The following SGCZ variants were observed in gnomAD, a reference collection of about 807,000 sequenced individuals.
SGCZ encodes the protein sarcoglycan zeta.
SGCZ carries 40 observed loss-of-function variants against 41.3 expected under a neutral mutation model. That is an observed-to-expected ratio of 0.97 (90% CI 0.75 to 1.26). The LOEUF (loss-of-function observed/expected upper bound fraction) is 1.26, where lower values mean the gene tolerates loss of function less well. Ranked by LOEUF, SGCZ falls within the 50% of genes most tolerant of loss-of-function variation. The pLI, the probability that SGCZ is intolerant of heterozygous loss-of-function variation, is 0.00. For missense variants in SGCZ, 552 were observed against 369.8 expected (o/e 1.49, Z -4.04); for synonymous variants, 206 against 137.5 (o/e 1.50, Z -3.49).
intron 1 of SGCZ, among the ~76,000 whole-genome samples, chr8:14,625,783 A>G (rs1806435217): frequency 6.6e-6 from 1 of 152,150 alleles, no homozygotes; most frequent in East Asian, 1.9e-4. Flanking sequence ...GGAGTTTACT[A>G]TATATTCCGA....
intron 3 of SGCZ, among the ~76,000 whole-genome samples, chr8:14,244,028 T>G (rs1286647879): frequency 6.6e-6 from 1 of 152,210 alleles, no homozygotes; most frequent in Non-Finnish European, 1.5e-5. Context: ...TAAATGCATG[T>G]TGAATGAATG....
intron 3 of SGCZ, among the ~76,000 whole-genome samples, chr8:14,251,486 G>T (rs1374947395): frequency 1.3e-5 from 2 of 152,078 alleles, no homozygotes; most frequent in Non-Finnish European, 2.9e-5. Flanking sequence ...AACTGAATGG[G>T]CATGTCTGTA....
chr8:14,253,218 CTTCTAA>C (rs2117212114), intron 3 of SGCZ, among the ~76,000 whole-genome samples: 1 of 84,006 alleles, frequency 1.2e-5, no homozygotes, highest in East Asian at 4.0e-4. Flanking sequence ...TAAAAATATG[CTTCTAA>C]AAAATAAGTT....
chr8:14,808,972 T>C (rs10095755), intron 1 of SGCZ, among the ~76,000 whole-genome samples: 14,623 of 149,598 alleles, frequency 0.098, 1,155 homozygotes, highest in African/African-American at 0.22. Context: ...CAGTAAACTA[T>C]CGCAAGAACA....
intron 2 of SGCZ, among the ~76,000 whole-genome samples, chr8:14,374,734 T>C (rs1202730010): frequency 6.6e-6 from 1 of 152,104 alleles, no homozygotes; most frequent in East Asian, 1.9e-4. Context: ...CTTTTTCTAA[T>C]GGAGAACTTG....
chr8:14,202,525 T>C (rs540269065), intron 4 of SGCZ, among the ~76,000 whole-genome samples: 8 of 151,652 alleles, frequency 5.3e-5, no homozygotes, highest in South Asian at 2.1e-4. Flanking sequence ...TATTCATACT[T>C]GGATAATTTT....
Position 15,019,493 on chromosome 8 carries a change from G to A in SGCZ, c.39+218092C>T, listed in dbSNP as rs139952322. On this transcript the variant is annotated intron_variant, in intron 1 of 7. Coordinates refer to ENST00000382080, the MANE Select transcript of SGCZ (RefSeq NM_139167.4). ...TTTCAGCCCCAGCACTCCTTTCTGT[G>A]GGGTGGTTTGACTCACCTGATTGAT... Among the ~76,000 whole-genome samples the A allele has an allele frequency of 2.2e-3, 339 of 152,144 alleles. 1 individual carries two copies. Among genetic ancestry groups the A allele is most frequent in the African/African-American group, 7.8e-3 (323 of 41,488 alleles).
Position 14,601,558 on chromosome 8 carries a change from C to T in SGCZ, c.40-46632G>A, listed in dbSNP as rs1262768172. ...ATGTTCGGAGACAGGAGCTGATTTT[C>T]TTCCCTGAACCTGTTCTAATACGTA... On this transcript the variant is annotated intron_variant, in intron 1 of 7. Coordinates refer to ENST00000382080, the MANE Select transcript of SGCZ (RefSeq NM_139167.4). Among the ~76,000 whole-genome samples, 5 of 152,172 alleles carry T rather than the reference C, an allele frequency of 3.3e-5. No individual in the cohort carries two copies. In the East Asian group the frequency reaches 7.7e-4, roughly 24 times the overall value.
At chr8:15,045,156 C>G (rs1268176711) in intron 1 of SGCZ, among the ~76,000 whole-genome samples, 1 of 151,640 alleles carries the variant, frequency 6.6e-6, no homozygotes, top group Non-Finnish European at 1.5e-5. Context: ...AATACCCAAC[C>G]AGAGGAAGAA....
intron 1 of SGCZ, among the ~76,000 whole-genome samples, chr8:14,632,223 A>G (rs1240356531): frequency 6.6e-6 from 1 of 151,734 alleles, no homozygotes; most frequent in Non-Finnish European, 1.5e-5. Context: ...AGGTCTCCCT[A>G]TGTTGCCCAC....
chr8:15,115,890 G>T (rs1019293799), intron 1 of SGCZ, among the ~76,000 whole-genome samples: 1 of 152,304 alleles, frequency 6.6e-6, no homozygotes, highest in East Asian at 1.9e-4. Context: ...AATGAGTGCA[G>T]AAAACAGTAC....
At chr8:14,476,137 C>T (rs1440571366) in intron 2 of SGCZ, among the ~76,000 whole-genome samples, 1 of 152,124 alleles carries the variant, frequency 6.6e-6, no homozygotes, top group African/African-American at 2.4e-5. Flanking sequence ...TTAAGGAATG[C>T]CCTGACGGCT....
At chr8:14,146,409 A>G (rs1431620787) in intron 5 of SGCZ, among the ~76,000 whole-genome samples, 1 of 152,218 alleles carries the variant, frequency 6.6e-6, no homozygotes, top group Non-Finnish European at 1.5e-5. Context: ...GATTTCATCA[A>G]CATCAGCTCT....
intron 1 of SGCZ, among the ~76,000 whole-genome samples, chr8:14,801,767 A>G (rs1185535199): frequency 6.6e-6 from 1 of 152,210 alleles, no homozygotes; most frequent in African/African-American, 2.4e-5. Context: ...ATTCACTGAC[A>G]AAAAATCAAA....
chr8:14,686,526 A>G (rs1563202478), intron 1 of SGCZ, among the ~76,000 whole-genome samples: 1 of 152,110 alleles, frequency 6.6e-6, no homozygotes, highest in Non-Finnish European at 1.5e-5. Flanking sequence ...ACTAAGGCAT[A>G]TAGATTTAAA....
chr8:15,173,881 C>T (rs532784110), intron 1 of SGCZ, among the ~76,000 whole-genome samples: 1 of 152,198 alleles, frequency 6.6e-6, no homozygotes, highest in African/African-American at 2.4e-5. Context: ...GCATGCACCA[C>T]CACACCTGGC....
intron 2 of SGCZ, among the ~76,000 whole-genome samples, chr8:14,492,336 T>C (rs1801864470): frequency 1.3e-5 from 2 of 152,190 alleles, no homozygotes; most frequent in Admixed American, 1.3e-4. Context: ...TTAAAAATTA[T>C]GTTTCTTTGT....
At chr8:14,243,591 A>G (rs761025360) in intron 3 of SGCZ, among the ~76,000 whole-genome samples, 11 of 152,178 alleles carry the variant, frequency 7.2e-5, no homozygotes, top group Non-Finnish European at 1.5e-4. Flanking sequence ...CTACTTTTCT[A>G]TCTCTACTTC....
At position 14,324,123 on chromosome 8, in the gene SGCZ, T is replaced by C; in HGVS notation, c.316A>G (p.Lys106Glu). ...CATACCTTTCGAGAATGAATTTCTTTCACATACAATGGAAGTAGAAACTCA... is the reference window on the plus strand; with the variant it reads ...CATACCTTTCGAGAATGAATTTCTTCCACATACAATGGAAGTAGAAACTCA... ...ISEFLLPLYV[K>E]EIHSRKDSPL... Residue 106 changes from lysine to glutamate, a missense_variant, in exon 3 of 8, where the codon AAA (lysine) becomes GAA (glutamate). Coordinates refer to ENST00000382080, the MANE Select transcript of SGCZ (RefSeq NM_139167.4). 1.2e-6 allele frequency: 2 copies of C among 1,612,194 alleles called. No homozygotes were observed. Among genetic ancestry groups the C allele is most frequent in the Non-Finnish European group, 8.5e-7 (1 of 1,178,878 alleles).
Sources: allele counts gnomAD v4.1 joint callset (sites outside exome capture counted in the v4.1 genomes callset), GRCh38; gene constraint gnomAD v4.1.1; transcripts MANE v1.5; gene names NCBI Gene and HGNC (gene_info 2026-07-23, HGNC 2026-07-21).